Variants in ZFHX3 observed in about 807,000 individuals in gnomAD.
ZFHX3 encodes the protein zinc finger homeobox protein 3.
Under a neutral mutation model 279.1 loss-of-function variants are expected in ZFHX3, and 42 were observed. The ratio of observed to expected loss-of-function variants is 0.15; its 90% CI spans 0.12 to 0.19. The LOEUF (loss-of-function observed/expected upper bound fraction) is 0.19, where lower values mean the gene tolerates loss of function less well. Among genes scored for constraint, ZFHX3 ranks in the 10% least tolerant of loss-of-function variants. The probability of loss-of-function intolerance (pLI) is 1.00; values close to 1 mark genes in which losing one functional copy is unlikely to be tolerated. For missense variants in ZFHX3, 4,981 were observed against 4,754.0 expected (o/e 1.05, Z -1.40); for synonymous variants, 2,293 against 1,957.8 (o/e 1.17, Z -4.52).
intron 3 of ZFHX3, among the ~76,000 whole-genome samples, chr16:73,345,367 AT>A (rs2016104153): frequency 6.6e-6 from 1 of 151,772 alleles, no homozygotes. Context: ...TGCATCAGTT[AT>A]TTTTCCTGAT....
intron 5 of ZFHX3, among the ~76,000 whole-genome samples, chr16:73,203,765 A>G (rs1473666837): frequency 6.6e-6 from 1 of 152,220 alleles, no homozygotes; most frequent in Non-Finnish European, 1.5e-5. Context: ...CTGTACTAAG[A>G]GACTTATGTG....
intron 5 of ZFHX3, among the ~76,000 whole-genome samples, chr16:73,216,550 A>T (rs2012216004): frequency 1.3e-5 from 2 of 152,216 alleles, no homozygotes; most frequent in Admixed American, 1.3e-4. Context: ...AACCTATGGT[A>T]AACAAACTGA....
At chr16:73,556,882 T>A (rs939718287) in intron 2 of ZFHX3, among the ~76,000 whole-genome samples, 11 of 151,074 alleles carry the variant, frequency 7.3e-5, no homozygotes, top group Admixed American at 5.9e-4. Flanking sequence ...GATCACGAGG[T>A]CAAGGGATCG....
chr16:73,809,739 T>A (rs1960378094), intron 1 of ZFHX3: 1 of 152,216 alleles, frequency 6.6e-6, no homozygotes, highest in Non-Finnish European at 1.5e-5. Context: ...TTAAGGCAGT[T>A]TCTGTTTAGG....
At chr16:73,802,590 G>A (rs758005342) in intron 1 of ZFHX3, among the ~76,000 whole-genome samples, 8 of 152,278 alleles carry the variant, frequency 5.3e-5, no homozygotes, top group Non-Finnish European at 7.4e-5. Context: ...AATACAGGTC[G>A]CAGCTCTGCC....
At chr16:73,426,529 G>A (rs183387519) in intron 3 of ZFHX3, among the ~76,000 whole-genome samples, 1 of 152,234 alleles carries the variant, frequency 6.6e-6, no homozygotes, top group Admixed American at 6.5e-5. Flanking sequence ...ATGCAGTTCT[G>A]TAGCCAGAGT....
At chr16:73,205,796 A>G (rs1194683715) in intron 5 of ZFHX3, among the ~76,000 whole-genome samples, 1 of 152,206 alleles carries the variant, frequency 6.6e-6, no homozygotes, top group Non-Finnish European at 1.5e-5. Flanking sequence ...TTAGAAAGAA[A>G]ACATCAGCCT....
intron 9 of ZFHX3, chr16:72,790,878 G>A (rs1221855107): frequency 6.6e-6 from 1 of 152,148 alleles, no homozygotes. Flanking sequence ...AAAGATTCAG[G>A]TCAAAAAGCC....
chr16:72,941,617 G>C lies in ZFHX3; in HGVS notation c.3216+8852C>G, dbSNP rs190437817. On this transcript the variant is annotated intron_variant, in intron 3 of 9. Transcript: ENST00000268489. The stretch of plus-strand genomic sequence containing the variant: ...GAGGACCACTTGAGCCCAGGAGTTT[G>C]AGACCAGCCTGGGCAACATAGTGAG... Among the ~76,000 whole-genome samples, 8 of 152,210 alleles carry C rather than the reference G, an allele frequency of 5.3e-5. No individual in the cohort carries two copies. In the East Asian group the frequency reaches 1.5e-3, roughly 29 times the overall value.
intron 2 of ZFHX3, among the ~76,000 whole-genome samples, chr16:73,676,391 A>G (rs2052954340): frequency 9.2e-6 from 1 of 108,688 alleles, no homozygotes; most frequent in African/African-American, 3.6e-5. Context: ...TTCCATTTAA[A>G]TAAAAGACAT....
intron 6 of ZFHX3, among the ~76,000 whole-genome samples, chr16:73,142,085 A>T (rs772627749): frequency 1.3e-5 from 2 of 152,212 alleles, no homozygotes; most frequent in Non-Finnish European, 2.9e-5. Flanking sequence ...CCTCCAGAGC[A>T]TTAGCTCAAA....
chr16:73,541,758 T>C (rs900210333), intron 2 of ZFHX3, among the ~76,000 whole-genome samples: 2 of 145,466 alleles, frequency 1.4e-5, no homozygotes, highest in Non-Finnish European at 3.0e-5. Context: ...CCCAGCCCTG[T>C]CCTCCTGCCC....
chr16:72,967,638 C>T (rs1166250562), intron 1 of ZFHX3, among the ~76,000 whole-genome samples: 1 of 151,886 alleles, frequency 6.6e-6, no homozygotes, highest in Admixed American at 6.6e-5. Flanking sequence ...TGAATACTTC[C>T]GGGAGCGGTG....
At chr16:73,258,185 C>G (rs2013712350) in intron 4 of ZFHX3, among the ~76,000 whole-genome samples, 1 of 152,046 alleles carries the variant, frequency 6.6e-6, no homozygotes, top group Admixed American at 6.6e-5. Context: ...AACAAGCATT[C>G]TTATTTCTAT....
chr16:73,622,885 A>G (rs1404066646), intron 2 of ZFHX3, among the ~76,000 whole-genome samples: 1 of 152,198 alleles, frequency 6.6e-6, no homozygotes, highest in African/African-American at 2.4e-5. Context: ...TCTTGTCGCT[A>G]CCTAGCAGAC....
At chr16:73,004,912 G>A (rs1963650104) in intron 1 of ZFHX3, among the ~76,000 whole-genome samples, 1 of 152,148 alleles carries the variant, frequency 6.6e-6, no homozygotes, top group South Asian at 2.1e-4. Context: ...ACCTGGAATG[G>A]ATGGTAACAT....
At position 73,047,526 on chromosome 16, in the gene ZFHX3, G is replaced by A. The variant is rs892038541; in HGVS notation, c.-50+226C>T. On this transcript the variant is annotated intron_variant, in intron 1 of 9. Transcript: ENST00000268489. ...CTCAGGAAAGGAGGAGGGAGGGGAGGACAGAGGGAAGGGAAGGAAGGAGGA... is the reference window on the plus strand; with the variant it reads ...CTCAGGAAAGGAGGAGGGAGGGGAGAACAGAGGGAAGGGAAGGAAGGAGGA... Among the ~76,000 whole-genome samples, 5 of 152,114 alleles carry A rather than the reference G, an allele frequency of 3.3e-5. 1 individual carries two copies. Among genetic ancestry groups the A allele is most frequent in the Admixed American group, 6.5e-5 (1 of 15,276 alleles).
rs561605818 is a variant in ZFHX3 at position 73,807,133 on chromosome 16, G to A, written c.-1608+84518C>T. Among the ~76,000 whole-genome samples, 150 of 152,324 alleles carry A rather than the reference G, an allele frequency of 9.8e-4. 1 individual carries two copies. Among genetic ancestry groups the A allele is most frequent in the African/African-American group, 3.5e-3 (146 of 41,576 alleles). On this transcript the variant is annotated intron_variant, in intron 1 of 17. Coordinates refer to the ZFHX3 transcript ENST00000641206. ...GGCCACATCCAGCTGGAGCACCCGA[G>A]AAGAGGCAGCAGGGACCGCTGGCAT...
At chr16:73,522,586 C>G (rs996811497) in intron 2 of ZFHX3, among the ~76,000 whole-genome samples, 1 of 152,032 alleles carries the variant, frequency 6.6e-6, no homozygotes, top group African/African-American at 2.4e-5. Context: ...CAGACCATGT[C>G]CAATCCCAGA....
Sources: allele counts gnomAD v4.1 joint callset (sites outside exome capture counted in the v4.1 genomes callset), GRCh38; gene constraint gnomAD v4.1.1; transcripts MANE v1.5; gene names NCBI Gene and HGNC (gene_info 2026-07-23, HGNC 2026-07-21).